The following SLC41A3 variants were observed in gnomAD, a reference collection of about 807,000 sequenced individuals.
SLC41A3 encodes the protein solute carrier family 41 member 3.
Under a neutral mutation model 45.4 loss-of-function variants are expected in SLC41A3, and 44 were observed. That is an observed-to-expected ratio of 0.97 (90% CI 0.76 to 1.25). The LOEUF (loss-of-function observed/expected upper bound fraction) is 1.25, where lower values mean the gene tolerates loss of function less well. Ranked by LOEUF, SLC41A3 falls within the 50% of genes most tolerant of loss-of-function variation. SLC41A3 has a pLI of 0.00. For synonymous variants in SLC41A3, 256 were observed against 252.4 expected, an observed-to-expected ratio of 1.01 and a Z score of -0.13; for missense variants, 550 against 600.6, an observed-to-expected ratio of 0.92 and a Z score of 0.88.
intron 2 of SLC41A3, among the ~76,000 whole-genome samples, chr3:126,063,956 C>CCT (rs1553742188): frequency 2.1e-5 from 3 of 142,102 alleles, no homozygotes; most frequent in Non-Finnish European, 3.2e-5. Context: ...CCAACCCCCC[C>CCT]CCGGGGACAC....
intron 2 of SLC41A3, among the ~76,000 whole-genome samples, chr3:126,059,264 A>AAAGAAAAGAAAG (rs71150422): frequency 3.8e-4 from 1 of 2,600 alleles, no homozygotes; most frequent in African/African-American, 3.7e-3. Flanking sequence ...AGAAAGAAAG[A>AAAGAAAAGAAAG]AGAAAGAAAG....
intron 3 of SLC41A3, among the ~76,000 whole-genome samples, chr3:126,044,416 A>G (rs1335919295): frequency 6.6e-6 from 1 of 152,258 alleles, no homozygotes; most frequent in East Asian, 1.9e-4. Flanking sequence ...ACAGAAGATC[A>G]GTAAGGAAAC....
chr3:126,057,047 G>A (rs1253045891), intron 2 of SLC41A3: 48 of 998,012 alleles, frequency 4.8e-5, no homozygotes, highest in Non-Finnish European at 5.7e-5. Context: ...GTGCTGGGCT[G>A]TTCCCCTCCT....
rs188919282 is a variant in SLC41A3 at position 126,063,512 on chromosome 3, T to C, written c.273+4435A>G. Reference sequence around the variant, plus strand: ...GCCAAGCATCAGGCAATCAACAGCATAGGCGCCCTGGCCTGCTGGCAGCTC... The same window carrying C: ...GCCAAGCATCAGGCAATCAACAGCACAGGCGCCCTGGCCTGCTGGCAGCTC... On this transcript the variant is annotated intron_variant, in intron 2 of 10. Transcript: ENST00000360370. 3.1e-3 allele frequency among the ~76,000 whole-genome samples: 465 copies of C among 152,302 alleles called. 3 individuals carry two copies. Among genetic ancestry groups the C allele is most frequent in the Middle Eastern group, 0.024 (7 of 294 alleles).
At chr3:126,047,018 CA>C (rs1033102127) in intron 3 of SLC41A3, among the ~76,000 whole-genome samples, 16 of 149,526 alleles carry the variant, frequency 1.1e-4, no homozygotes, top group African/African-American at 3.7e-4. Flanking sequence ...GAAGAATCTA[CA>C]AATTTAATAC....
intron 1 of SLC41A3, among the ~76,000 whole-genome samples, chr3:126,075,905 C>G (rs1944859456): frequency 6.6e-6 from 1 of 151,984 alleles, no homozygotes; most frequent in African/African-American, 2.4e-5. Context: ...GGTGTAAATC[C>G]CAGGGACTTT....
intron 3 of SLC41A3, among the ~76,000 whole-genome samples, chr3:126,042,957 A>G (rs1218118893): frequency 6.6e-6 from 1 of 152,050 alleles, no homozygotes; most frequent in Non-Finnish European, 1.5e-5. Flanking sequence ...AAGGAAAGAG[A>G]TAAGTGGGCA....
intron 4 of SLC41A3, 65 bp downstream of exon 4, chr3:126,033,542 C>T (rs1941958683): frequency 1.3e-6 from 2 of 1,557,000 alleles, no homozygotes; most frequent in African/African-American, 1.3e-5. Context: ...TAGCCTTCAC[C>T]CTTCCCACCT....
intron 2 of SLC41A3, among the ~76,000 whole-genome samples, chr3:126,066,050 A>G (rs1156682145): frequency 6.6e-6 from 1 of 151,798 alleles, no homozygotes; most frequent in African/African-American, 2.4e-5. Context: ...ATGTGGCTCA[A>G]CCTGGTGACC....
At chr3:126,039,204 T>C (rs1942413947) in intron 3 of SLC41A3, among the ~76,000 whole-genome samples, 1 of 152,356 alleles carries the variant, frequency 6.6e-6, no homozygotes, top group African/African-American at 2.4e-5. Context: ...ACAAATGGGC[T>C]AACACAGTCA....
chr3:126,060,690 G>GA (rs1944018257), intron 2 of SLC41A3, among the ~76,000 whole-genome samples: 1 of 152,056 alleles, frequency 6.6e-6, no homozygotes. Flanking sequence ...AGCTCACTGG[G>GA]TTATAATCCA....
Position 126,006,614 on chromosome 3 carries a change from A to T in SLC41A3, c.*402T>A, listed in dbSNP as rs763753974. The T allele has an allele frequency of 6.4e-7, 1 of 1,562,562 alleles. No homozygotes were observed. The highest frequency in any genetic ancestry group is 2.2e-5 in the East Asian group (1 of 44,556). On this transcript the variant is annotated 3_prime_UTR_variant, in exon 11 of 11. Transcript: ENST00000360370. ...CAGCTCAAGAGTTCTGAGGCTTGGG[A>T]ACAGAAAAGAGCTCCTTCCTGCTCC...
chr3:126,057,025 C>G, intron 2 of SLC41A3: 2 of 1,021,916 alleles, frequency 2.0e-6, no homozygotes, highest in Non-Finnish European at 2.3e-6. Context: ...TGCCACCTCG[C>G]CCTGTACAAG....
At chr3:126,033,808 C>A in intron 3 of SLC41A3, 130 bp from the exon 4 acceptor site, 1 of 914,622 alleles carries the variant, frequency 1.1e-6, no homozygotes, top group Non-Finnish European at 1.7e-6. Flanking sequence ...AAAAAAATTC[C>A]TCTGCTCAGC....
At chr3:126,093,844 T>C (rs1436697597) in intron 1 of SLC41A3, among the ~76,000 whole-genome samples, 1 of 152,174 alleles carries the variant, frequency 6.6e-6, no homozygotes, top group Non-Finnish European at 1.5e-5. Flanking sequence ...ATAAACATCC[T>C]ACATGTGAAA....
At chr3:126,028,779 A>G (rs1941570841) in intron 4 of SLC41A3, among the ~76,000 whole-genome samples, 1 of 152,274 alleles carries the variant, frequency 6.6e-6, no homozygotes. Context: ...AAAGCCACAG[A>G]GGCAGAGCTG....
At chr3:126,015,213 C>T (rs1455006113) in intron 8 of SLC41A3, among the ~76,000 whole-genome samples, 1 of 152,208 alleles carries the variant, frequency 6.6e-6, no homozygotes, top group Non-Finnish European at 1.5e-5. Context: ...CCTGCAAAGC[C>T]TGGAATTCGG....
intron 4 of SLC41A3, among the ~76,000 whole-genome samples, chr3:126,030,306 A>G (rs1941706801): frequency 6.7e-6 from 1 of 148,522 alleles, no homozygotes; most frequent in Admixed American, 6.7e-5. Context: ...TTATACATAT[A>G]TACACAAGTC....
chr3:126,056,478 G>A (rs58595496), intron 2 of SLC41A3: 8 of 1,614,150 alleles, frequency 5.0e-6, no homozygotes, highest in Non-Finnish European at 6.8e-6. Flanking sequence ...GTGGGGACCG[G>A]GTAAGCTCAC....
Sources: allele counts gnomAD v4.1 joint callset (sites outside exome capture counted in the v4.1 genomes callset), GRCh38; gene constraint gnomAD v4.1.1; transcripts MANE v1.5; gene names NCBI Gene and HGNC (gene_info 2026-07-23, HGNC 2026-07-21).